ADGRL1: variants seen among roughly 807,000 people sequenced by gnomAD.
ADGRL1 encodes CIRL-1.
A neutral mutation model predicts 148.9 loss-of-function variants in ADGRL1; 31 were observed. The ratio of observed to expected loss-of-function variants is 0.21; its 90% CI spans 0.16 to 0.28. The LOEUF (loss-of-function observed/expected upper bound fraction) is 0.28. Among genes scored for constraint, ADGRL1 ranks in the 10% least tolerant of loss-of-function variants. The pLI is 1.00. For missense variants in ADGRL1, 1,521 were observed against 2,058.8 expected, an observed-to-expected ratio of 0.74 and a Z score of 5.05; for synonymous variants, 937 against 900.3, an observed-to-expected ratio of 1.04 and a Z score of -0.73.
chr19:14,152,441 G>A lies in ADGRL1; in HGVS notation c.3521-4C>T, dbSNP rs750450263. The A allele has an allele frequency of 6.2e-7, 1 of 1,604,278 alleles. No homozygotes were observed. Among genetic ancestry groups the A allele is most frequent in the South Asian group, 1.1e-5 (1 of 90,306 alleles). On this transcript the variant is annotated splice_region_variant and splice_polypyrimidine_tract_variant and intron_variant, in intron 20 of 22. Transcript: ENST00000361434. This position sits in a 1 kb window ranked among gnomAD's most constrained non-coding sequence, Gnocchi z 6.1. ...AGCAGGTGGTTCCCCATGGTACCTG[G>A]CCAAAGGATCAGAGGTCACAAGGCA...
intron 1 of ADGRL1, among the ~76,000 whole-genome samples, chr19:14,189,120 T>C (rs1330557243): frequency 6.6e-6 from 1 of 152,108 alleles, no homozygotes; most frequent in Non-Finnish European, 1.5e-5. Context: ...ACTCCCCTTG[T>C]CGCCCAGCCC....
intron 1 of ADGRL1, among the ~76,000 whole-genome samples, chr19:14,184,208 C>A (rs911981991): frequency 6.6e-6 from 1 of 152,146 alleles, no homozygotes; most frequent in African/African-American, 2.4e-5. Flanking sequence ...ATCCAGCTGG[C>A]GCCACAGATC....
At position 14,150,809 on chromosome 19, in the gene ADGRL1, C is replaced by G. The variant is rs1294808865; in HGVS notation, c.*64G>C. On this transcript the variant is annotated 3_prime_UTR_variant, in exon 23 of 23. Transcript: ENST00000361434. ...TGCCTCCATCTGTCTCCCTCTCCCA[C>G]CAGAGCCCTGCCCAGGGTTCCCTCC... The G allele has an allele frequency of 1.9e-6, 3 of 1,565,572 alleles. No individual in the cohort carries two copies. Among genetic ancestry groups the G allele is most frequent in the Non-Finnish European group, 2.6e-6 (3 of 1,158,374 alleles).
At position 14,155,373 on chromosome 19, in the gene ADGRL1, C is replaced by T. The variant is rs746638229; in HGVS notation, c.3280G>A (p.Ala1094Thr). Residue 1094 changes from alanine to threonine, a missense_variant, in exon 18 of 23, where the codon GCC (alanine) becomes ACC (threonine). This residue lies in a region of ADGRL1 where 185 missense variants were observed against 251.7 expected (regional missense o/e 0.74). Coordinates refer to ENST00000361434, the MANE Select transcript of ADGRL1 (RefSeq NM_014921.5). The surrounding 1 kb of genome is among the most constrained non-coding windows in gnomAD (Gnocchi z 5.0). Reference protein sequence around the residue: ...QGVFIFVFHCALQKKVHKEYS... With the variant: ...QGVFIFVFHCTLQKKVHKEYS... ...CTCGACCTCACCTTCTTCTGTAAGG[C>T]GCAGTGAAAGACGAAGATGAAGACC... 7 of 1,613,854 alleles carry T rather than the reference C, an allele frequency of 4.3e-6. No homozygotes were observed. The Admixed American group carries it at 5.0e-5, about 12-fold the overall frequency.
At chr19:14,199,561 AC>A (rs1373823504) in intron 1 of ADGRL1, among the ~76,000 whole-genome samples, 1 of 151,864 alleles carries the variant, frequency 6.6e-6, no homozygotes, top group Non-Finnish European at 1.5e-5. Context: ...AGTAGCTGGG[AC>A]CACAGGGCGT....
In ADGRL1 at chr19:14,183,218, C is replaced by CAGAGAGA. The variant is rs1971336222; in HGVS notation, c.70+314_70+315insTCTCTCT. Among the ~76,000 whole-genome samples the CAGAGAGA allele has an allele frequency of 5.6e-5, 7 of 124,984 alleles. No individual in the cohort carries two copies. In the East Asian group the frequency reaches 6.5e-4, roughly 12 times the overall value. 82.0% of individuals were successfully genotyped at this position (124,984 alleles called of 152,430 possible). A position where few individuals can be genotyped will look rare whatever the true frequency, so the allele number is the denominator to read the frequency against. On this transcript the variant is annotated intron_variant, in intron 2 of 22. Coordinates refer to ENST00000361434, the MANE Select transcript of ADGRL1 (RefSeq NM_014921.5). ...CAGAGAGAGAGAGAGAGAGAGAGAG[C>CAGAGAGA]GAGAGAGAGACAGAGAGAGGAGCAT...
intron 1 of ADGRL1, among the ~76,000 whole-genome samples, chr19:14,203,741 C>T (rs1251851251): frequency 3.9e-5 from 6 of 152,170 alleles, no homozygotes; most frequent in Admixed American, 3.3e-4. Flanking sequence ...GTGTGCTGGT[C>T]CCCAGCTCCC....
rs562360902 is a variant in ADGRL1, at chr19:14,151,318, C to A, written c.3965G>T (p.Gly1322Val). The stretch of plus-strand genomic sequence containing the variant: ...AAGTTCAATCTCGGCCCGGTCAGCA[C>A]CCCCGGGCCCGCCCGCCTCTTCCTC... The part of the protein sequence containing the change: ...GGEEEAGGPG[G>V]ADRAEIELLY... The change falls in exon 23 of 23, where the codon GGT (glycine) becomes GTT (valine). Residue 1322 changes from glycine (G) to valine (V), a missense_variant. Around this residue, in one of 8 missense-constraint regions of ADGRL1, gnomAD observed 390 missense variants for 375.0 expected, o/e 1.04. Transcript: ENST00000361434. 6.9e-6 allele frequency: 11 copies of A among 1,596,218 alleles called. No individual in the cohort carries two copies. The highest frequency in any genetic ancestry group is 1.7e-4 in the Middle Eastern group (1 of 5,976).
At chr19:14,204,738 G>C (rs10414628) in intron 1 of ADGRL1, among the ~76,000 whole-genome samples, 25,187 of 143,644 alleles carry the variant, frequency 0.18, 2,609 homozygotes, top group Non-Finnish European at 0.23. Context: ...GAGAGAGAGA[G>C]AGACAGACAG....
At chr19:14,174,126 A>G (rs1970662494) in intron 3 of ADGRL1, among the ~76,000 whole-genome samples, 1 of 152,064 alleles carries the variant, frequency 6.6e-6, no homozygotes. Context: ...CCCCACGGAC[A>G]TGGGAACTGG....
rs1223650766 is a variant in ADGRL1 at position 14,150,416 on chromosome 19, CCGGCAGCATTT to C, written c.*446_*456del. 6.2e-6 allele frequency: 1 copy of C among 162,224 alleles called. No individual in the cohort carries two copies. Among genetic ancestry groups the C allele is most frequent in the Non-Finnish European group, 1.4e-5 (1 of 74,000 alleles). The allele number at this position is 162,224 out of a possible 1,614,324, so 10.0% of individuals were successfully genotyped here. A position where few individuals can be genotyped will look rare whatever the true frequency, so the allele number is the denominator to read the frequency against. On this transcript the variant is annotated 3_prime_UTR_variant, in exon 23 of 23. Coordinates refer to ENST00000361434, the MANE Select transcript of ADGRL1 (RefSeq NM_014921.5). ...GCCTCACTGCTCCCTCTGGGTGCAG[CCGGCAGCATTT>C]CTGGCTGCGGAGAGGAGCAGCTAAC... is the stretch of plus-strand genomic sequence containing the variant.
intron 1 of ADGRL1, among the ~76,000 whole-genome samples, chr19:14,192,770 C>T (rs1290887775): frequency 6.6e-6 from 1 of 151,076 alleles, no homozygotes; most frequent in African/African-American, 2.4e-5. Flanking sequence ...AGGCTGCTCT[C>T]GAACTCCCAA....
At chr19:14,153,411 A>AT (rs36035971) in intron 18 of ADGRL1, among the ~76,000 whole-genome samples, 1,811 of 112,268 alleles carry the variant, frequency 0.016, 40 homozygotes, top group African/African-American at 0.018. Flanking sequence ...GCAGGTTGTG[A>AT]TTTTTTTTTT....
At position 14,170,675 on chromosome 19, in the gene ADGRL1, G is replaced by A; in HGVS notation, c.394+7C>T. 1 of 1,567,752 alleles carries A rather than the reference G, an allele frequency of 6.4e-7. No individual in the cohort carries two copies. Among genetic ancestry groups the A allele is most frequent in the Non-Finnish European group, 8.8e-7 (1 of 1,138,912 alleles). On this transcript the variant is annotated splice_region_variant and intron_variant, in intron 4 of 22. Transcript: ENST00000361434. ...CCCGCATCCGCACAAGGAACAAGAT[G>A]ACTCACTGTAGGGGACACAGTCGTA...
intron 2 of ADGRL1, among the ~76,000 whole-genome samples, chr19:14,183,208 A>AGAGAGAGC (rs1971327350): frequency 6.7e-6 from 1 of 150,184 alleles, no homozygotes; most frequent in African/African-American, 2.4e-5. Context: ...AGAGAGAGAG[A>AGAGAGAGC]GAGAGAGAGC....
rs1336528726 is a variant in ADGRL1, at chr19:14,160,427, C to T, written c.1615-130G>A. 3 of 975,380 alleles carry T rather than the reference C, an allele frequency of 3.1e-6. No individual in the cohort carries two copies. The highest frequency in any genetic ancestry group is 3.3e-5 in the African/African-American group (2 of 60,912). The allele number at this position is 975,380 out of a possible 1,614,324, so 60.4% of individuals were successfully genotyped here. A position where few individuals can be genotyped will look rare whatever the true frequency, so the allele number is the denominator to read the frequency against. ...CTTCCCCATCGCCATCTGCCCCTTC[C>T]CACCCCATCTGTCCCTGCTCCCTTT... On this transcript the variant is annotated intron_variant, in intron 7 of 22. Coordinates refer to ENST00000361434, the MANE Select transcript of ADGRL1 (RefSeq NM_014921.5). The surrounding 1 kb of genome is among the most constrained non-coding windows in gnomAD (Gnocchi z 5.9).
chr19:14,199,278 C>T (rs1487883253), intron 1 of ADGRL1, among the ~76,000 whole-genome samples: 2 of 152,132 alleles, frequency 1.3e-5, no homozygotes, highest in Non-Finnish European at 2.9e-5. Context: ...TTCGGCAATT[C>T]CACACATCTT....
chr19:14,182,574 A>G (rs1488527540), intron 2 of ADGRL1, among the ~76,000 whole-genome samples: 2 of 152,154 alleles, frequency 1.3e-5, no homozygotes, highest in East Asian at 3.9e-4. Flanking sequence ...GTTGAGTCCC[A>G]GCGGGGGGAA....
chr19:14,194,404 C>A (rs1972129401), intron 1 of ADGRL1, among the ~76,000 whole-genome samples: 1 of 152,222 alleles, frequency 6.6e-6, no homozygotes, highest in African/African-American at 2.4e-5. Context: ...CAGCAAACGA[C>A]AGGGTGAGCA....
Sources: gnomAD v4.1 joint callset for allele counts (sites outside exome capture counted in the v4.1 genomes callset) on GRCh38, gnomAD v4.1.1 for gene constraint, gnomAD v4.1.1 regional missense constraint, Gnocchi (gnomAD v3.1) non-coding constraint, MANE v1.5 for transcripts, NCBI Gene and HGNC (gene_info 2026-07-23, HGNC 2026-07-21) for gene names.